The following RPS6KA2 variants were observed in gnomAD, a reference collection of about 807,000 sequenced individuals.
RPS6KA2 encodes ribosomal protein S6 kinase alpha-2.
Under a neutral mutation model 91.8 loss-of-function variants are expected in RPS6KA2, and 42 were observed. The ratio of observed to expected loss-of-function variants is 0.46; its 90% confidence interval spans 0.36 to 0.59. The LOEUF is 0.59. RPS6KA2 is among the 20% of genes least tolerant of loss of function. The pLI is 0.00. For synonymous variants in RPS6KA2, 414 were observed against 393.6 expected, an observed-to-expected ratio of 1.05 and a Z score of -0.61; for missense variants, 798 against 978.5, an observed-to-expected ratio of 0.82 and a Z score of 2.46.
rs539916669 is a variant in RPS6KA2, at chr6:166,849,517, C to A, written c.123+8683G>T. ...AGAAGAAGGGAGGGTGAGGTGGGGG[C>A]GGATCAGCTTGAGTCACCACGCGTG... On this transcript the variant is annotated intron_variant, in intron 2 of 21. Coordinates refer to the RPS6KA2 transcript ENST00000503859. The surrounding 1 kb of genome is among the most constrained non-coding windows in gnomAD (Gnocchi z 4.9). Among the ~76,000 whole-genome samples, 1 of 152,248 alleles carries A rather than the reference C, an allele frequency of 6.6e-6. No individual in the cohort carries two copies. Among genetic ancestry groups the A allele is most frequent in the East Asian group, 1.9e-4 (1 of 5,184 alleles).
Position 166,825,069 on chromosome 6 carries a change from G to A in RPS6KA2, c.123+33131C>T, listed in dbSNP as rs927630014. On this transcript the variant is annotated intron_variant, in intron 2 of 21. Coordinates refer to the RPS6KA2 transcript ENST00000503859. This position sits in a 1 kb window ranked among gnomAD's most constrained non-coding sequence, Gnocchi z 4.1. ...TCCACCCACACAGCAGTGCTGCAGA[G>A]CGCTGTTCTTCCACGAGGGAATAGC... Among the ~76,000 whole-genome samples, 4 of 152,262 alleles carry A rather than the reference G, an allele frequency of 2.6e-5. No individual in the cohort carries two copies. Among genetic ancestry groups the A allele is most frequent in the African/African-American group, 9.6e-5 (4 of 41,470 alleles).
At chr6:166,799,396 TA>T (rs1426748457) in intron 2 of RPS6KA2, among the ~76,000 whole-genome samples, 1 of 152,228 alleles carries the variant, frequency 6.6e-6, no homozygotes, top group African/African-American at 2.4e-5. Flanking sequence ...AAATTACATT[TA>T]AAAAATACAT....
At chr6:166,845,262 T>G (rs1780577896) in intron 2 of RPS6KA2, among the ~76,000 whole-genome samples, 1 of 152,026 alleles carries the variant, frequency 6.6e-6, no homozygotes, top group African/African-American at 2.4e-5. Context: ...ACAGTAATAG[T>G]GGGGGACTTC....
intron 2 of RPS6KA2, among the ~76,000 whole-genome samples, chr6:166,848,462 T>G (rs1216674621): frequency 6.6e-6 from 1 of 152,142 alleles, no homozygotes; most frequent in Non-Finnish European, 1.5e-5. Flanking sequence ...ACATGCATGT[T>G]TATAGTAGCA....
At chr6:166,633,310 TTTC>T (rs1269158144) in intron 2 of RPS6KA2, among the ~76,000 whole-genome samples, 4 of 152,034 alleles carry the variant, frequency 2.6e-5, no homozygotes, top group African/African-American at 7.3e-5. Flanking sequence ...AAGGGGTGAG[TTTC>T]TTCTTCTACC....
rs1781736779 is a variant in RPS6KA2 at position 166,495,004 on chromosome 6, GC to G, written c.747+3503del. Among the ~76,000 whole-genome samples, 1 of 152,208 alleles carries G rather than the reference GC, an allele frequency of 6.6e-6. No homozygotes were observed. The highest frequency in any genetic ancestry group is 1.9e-4 in the East Asian group (1 of 5,186). ...TGAGAATTCAGAAGTCACTTCTGAT[GC>G]CACCCACGGACGTGTGGGAAGCGTG... On this transcript the variant is annotated intron_variant, in intron 8 of 20. Transcript: ENST00000265678. This position sits in a 1 kb window ranked among gnomAD's most constrained non-coding sequence, Gnocchi z 4.4.
Position 166,665,428 on chromosome 6 carries a change from T to A in RPS6KA2, c.124-126644A>T, listed in dbSNP as rs1157137608. ...CCAAAGAAGGGTTTGCAGCAGCAGCTGCACAAAGCTGCTGGACAAAGCCGA... is the reference window on the plus strand; with the variant it reads ...CCAAAGAAGGGTTTGCAGCAGCAGCAGCACAAAGCTGCTGGACAAAGCCGA... On this transcript the variant is annotated intron_variant, in intron 2 of 21. Coordinates refer to the RPS6KA2 transcript ENST00000503859. This position sits in a 1 kb window ranked among gnomAD's most constrained non-coding sequence, Gnocchi z 4.5. Among the ~76,000 whole-genome samples the A allele has an allele frequency of 6.6e-6, 1 of 152,100 alleles. No individual in the cohort carries two copies. Among genetic ancestry groups the A allele is most frequent in the Non-Finnish European group, 1.5e-5 (1 of 67,978 alleles).
intron 1 of RPS6KA2, among the ~76,000 whole-genome samples, chr6:166,550,730 C>T (rs546243007): frequency 3.8e-4 from 58 of 152,188 alleles, no homozygotes; most frequent in African/African-American, 6.0e-4. Context: ...GGGTTGGGCG[C>T]GATGGCTCAC....
At chr6:166,638,700 T>C (rs1787326368) in intron 2 of RPS6KA2, among the ~76,000 whole-genome samples, 1 of 152,244 alleles carries the variant, frequency 6.6e-6, no homozygotes, top group Non-Finnish European at 1.5e-5. Context: ...TCTGGGGCGG[T>C]AGAGGATGGG....
intron 8 of RPS6KA2, among the ~76,000 whole-genome samples, chr6:166,498,205 A>C (rs1781862423): frequency 1.3e-5 from 2 of 152,202 alleles, no homozygotes; most frequent in Admixed American, 1.3e-4. Flanking sequence ...TTAACTCGAA[A>C]ATCATGGCAT....
intron 3 of RPS6KA2, among the ~76,000 whole-genome samples, chr6:166,523,309 G>A (rs1423749328): frequency 5.3e-5 from 8 of 152,190 alleles, no homozygotes; most frequent in Non-Finnish European, 1.2e-4. Context: ...GTCATCTTAT[G>A]CAATTAAATG....
At chr6:166,615,074 G>A (rs549613946) in intron 1 of RPS6KA2, among the ~76,000 whole-genome samples, 7 of 152,204 alleles carry the variant, frequency 4.6e-5, no homozygotes, top group Admixed American at 6.5e-5. Flanking sequence ...GGGCTCAGCC[G>A]GATGAAGCCC....
chr6:166,573,283 C>T (rs1303295023), intron 1 of RPS6KA2, among the ~76,000 whole-genome samples: 1 of 152,232 alleles, frequency 6.6e-6, no homozygotes, highest in Non-Finnish European at 1.5e-5. Flanking sequence ...GCTTCCAGAA[C>T]CTCGTGTTAT....
intron 10 of RPS6KA2, among the ~76,000 whole-genome samples, chr6:166,478,590 C>A (rs1181301919): frequency 6.6e-6 from 1 of 152,230 alleles, no homozygotes; most frequent in East Asian, 1.9e-4. Context: ...ATGCATCTCA[C>A]AAAACGATGG....
chr6:166,706,634 C>A (rs1789688018), intron 2 of RPS6KA2, among the ~76,000 whole-genome samples: 1 of 152,066 alleles, frequency 6.6e-6, no homozygotes, highest in Non-Finnish European at 1.5e-5. Context: ...ACCCCAGACC[C>A]CCAGCCCTCC....
chr6:166,820,553 T>C (rs1395965165), intron 2 of RPS6KA2, among the ~76,000 whole-genome samples: 1 of 152,258 alleles, frequency 6.6e-6, no homozygotes, highest in Non-Finnish European at 1.5e-5. Flanking sequence ...ACATTCCTGA[T>C]ACCATGCAAT....
chr6:166,458,780 A>C (rs1290449691), intron 12 of RPS6KA2, among the ~76,000 whole-genome samples: 4 of 152,252 alleles, frequency 2.6e-5, no homozygotes, highest in Non-Finnish European at 4.4e-5. Flanking sequence ...GTGAGAAAAT[A>C]AATGACTGTT....
intron 2 of RPS6KA2, among the ~76,000 whole-genome samples, chr6:166,700,525 T>C (rs896070961): frequency 5.9e-5 from 9 of 152,204 alleles, no homozygotes; most frequent in African/African-American, 2.2e-4. Context: ...TTTCATTGTA[T>C]TACTGAATAC....
intron 2 of RPS6KA2, among the ~76,000 whole-genome samples, chr6:166,700,432 T>C (rs1789474871): frequency 6.6e-6 from 1 of 152,198 alleles, no homozygotes; most frequent in South Asian, 2.1e-4. Flanking sequence ...CTGTTAAATT[T>C]TAAATTTATT....
Sources: gnomAD v4.1 joint callset for allele counts (sites outside exome capture counted in the v4.1 genomes callset) on GRCh38, gnomAD v4.1.1 for gene constraint, Gnocchi (gnomAD v3.1) non-coding constraint, MANE v1.5 for transcripts, NCBI Gene and HGNC (gene_info 2026-07-23, HGNC 2026-07-21) for gene names.